The following PAFAH1B1 variants were observed in gnomAD, a reference collection of about 807,000 sequenced individuals.
The protein encoded by PAFAH1B1 is platelet activating factor acetylhydrolase 1b regulatory subunit 1.
In PAFAH1B1, 2 loss-of-function variants were observed where a neutral mutation model predicts 57.5. The observed-to-expected ratio is 0.03, with a 90% CI of 0.01 to 0.11. The LOEUF is 0.11. Ranked by LOEUF, PAFAH1B1 falls within the 10% of genes least tolerant of loss-of-function variation. The pLI is 1.00. For missense variants in PAFAH1B1, 257 were observed against 512.0 expected, an observed-to-expected ratio of 0.50 and a Z score of 4.81; for synonymous variants, 152 against 169.6, an observed-to-expected ratio of 0.90 and a Z score of 0.81.
intron 1 of PAFAH1B1, among the ~76,000 whole-genome samples, chr17:2,628,983 T>C (rs983795153): frequency 6.6e-6 from 1 of 152,224 alleles, no homozygotes; most frequent in African/African-American, 2.4e-5. Flanking sequence ...CTCTCTGCTT[T>C]CCTTGGTTAA....
intron 1 of PAFAH1B1, among the ~76,000 whole-genome samples, chr17:2,610,541 A>G (rs1045882018): frequency 6.6e-6 from 1 of 152,204 alleles, no homozygotes; most frequent in Non-Finnish European, 1.5e-5. Context: ...AGAAGTGTCC[A>G]ATATTTTGAC....
In PAFAH1B1 at chr17:2,646,492, A is replaced by ATTT. The variant is rs1424216846; in HGVS notation, c.32+8172_32+8173insTTT. Among the ~76,000 whole-genome samples the ATTT allele has an allele frequency of 2.6e-5, 4 of 152,188 alleles. No individual in the cohort carries two copies. The East Asian group carries it at 7.7e-4, about 29-fold the overall frequency. On this transcript the variant is annotated intron_variant, in intron 2 of 10. Transcript: ENST00000397195. ...ACATGGTGAAGCCCCATCTCTACTA[A>ATTT]AAATACAAAAATTAGCCGGGTGTGG...
chr17:2,616,648 G>A (rs1384407633), intron 1 of PAFAH1B1, among the ~76,000 whole-genome samples: 2 of 152,138 alleles, frequency 1.3e-5, no homozygotes, highest in Non-Finnish European at 2.9e-5. Context: ...TATCTTCACA[G>A]CAACATCTAA....
At position 2,661,537 on chromosome 17, in the gene PAFAH1B1, C is replaced by T. The variant is rs139716964; in HGVS notation, c.33-3835C>T. ...TTGGTCTGTGTGTCTGTTTTGGTAC[C>T]AGTAGCATGCTGTTTTGGTTACTGT... is the stretch of plus-strand genomic sequence containing the variant. On this transcript the variant is annotated intron_variant, in intron 2 of 10. Transcript: ENST00000397195. 3.3e-4 allele frequency among the ~76,000 whole-genome samples: 50 copies of T among 152,160 alleles called. No homozygotes were observed. The South Asian group carries it at 5.4e-3, about 16-fold the overall frequency.
intron 1 of PAFAH1B1, among the ~76,000 whole-genome samples, chr17:2,607,957 G>A (rs374511843): frequency 2.0e-5 from 3 of 152,152 alleles, no homozygotes; most frequent in South Asian, 2.1e-4. Flanking sequence ...TAGAATTTAC[G>A]TGAATATTCT....
rs2068063747 is a variant in PAFAH1B1 at position 2,594,571 on chromosome 17, G to A, written c.-191+565G>A. On this transcript the variant is annotated intron_variant, in intron 1 of 10. Coordinates refer to ENST00000397195, the MANE Select transcript of PAFAH1B1 (RefSeq NM_000430.4). ...GTCCCCGACTGGTCCTTAAGATGGG[G>A]TTGACCAGCGGAGGGTGGCCCACCG... Among the ~76,000 whole-genome samples, 4 of 152,320 alleles carry A rather than the reference G, an allele frequency of 2.6e-5. No homozygotes were observed. The South Asian group carries it at 8.3e-4, about 32-fold the overall frequency.
At chr17:2,665,478 T>G in intron 3 of PAFAH1B1, 22 bp downstream of exon 3, 1 of 1,332,980 alleles carries the variant, frequency 7.5e-7, no homozygotes, top group South Asian at 1.2e-5. Context: ...TTTTTACAAT[T>G]CAAAGTATAG....
At chr17:2,627,935 A>G (rs2151627620) in intron 1 of PAFAH1B1, among the ~76,000 whole-genome samples, 1 of 152,312 alleles carries the variant, frequency 6.6e-6, no homozygotes, top group Middle Eastern at 3.4e-3. Context: ...TCTTGAATCC[A>G]GAAACTTTGC....
intron 1 of PAFAH1B1, among the ~76,000 whole-genome samples, chr17:2,606,886 G>T (rs1001939395): frequency 7.0e-6 from 1 of 142,458 alleles, no homozygotes; most frequent in South Asian, 2.3e-4. Context: ...GTGCAGTGGC[G>T]CAATCTCAGC....
At chr17:2,614,021 G>GTTGTTTTT (rs1555521514) in intron 1 of PAFAH1B1, 1 of 96,970 alleles carries the variant, frequency 1.0e-5, no homozygotes, top group Non-Finnish European at 1.8e-5. Context: ...TATATATTGG[G>GTTGTTTTT]TTTTTTTTTT....
At chr17:2,610,464 CTTAAGATACAAAA>C (rs1202839914) in intron 1 of PAFAH1B1, among the ~76,000 whole-genome samples, 1 of 152,050 alleles carries the variant, frequency 6.6e-6, no homozygotes, top group Non-Finnish European at 1.5e-5. Context: ...TTACAGTGTC[CTTAAGATACAAAA>C]TAACTAGATA....
chr17:2,624,144 G>C (rs112173588), intron 1 of PAFAH1B1, among the ~76,000 whole-genome samples: 1 of 152,080 alleles, frequency 6.6e-6, no homozygotes, highest in Non-Finnish European at 1.5e-5. Flanking sequence ...AGTTCCCAAC[G>C]AACTCCTCAT....
intron 1 of PAFAH1B1, among the ~76,000 whole-genome samples, chr17:2,610,641 A>G (rs2060822615): frequency 6.6e-6 from 1 of 152,174 alleles, no homozygotes; most frequent in South Asian, 2.1e-4. Flanking sequence ...AAAAGTCACA[A>G]AAAAAATGTC....
intron 6 of PAFAH1B1, 182 bp downstream of exon 6, chr17:2,670,513 A>G (rs2069167296): frequency 3.3e-6 from 2 of 607,778 alleles, no homozygotes; most frequent in South Asian, 4.1e-5. Context: ...TTCTATTAGG[A>G]AGTTTTAAGT....
intron 1 of PAFAH1B1, among the ~76,000 whole-genome samples, chr17:2,636,648 C>T (rs1274249778): frequency 6.6e-6 from 1 of 152,162 alleles, no homozygotes; most frequent in Admixed American, 6.5e-5. Flanking sequence ...GTCTGCCCAC[C>T]TCAGCCTCCC....
chr17:2,671,108 T>A (rs562694701), intron 6 of PAFAH1B1, among the ~76,000 whole-genome samples: 1 of 152,336 alleles, frequency 6.6e-6, no homozygotes, highest in African/African-American at 2.4e-5. Context: ...CTAGAGGGCA[T>A]AATTTGAAGG....
intron 2 of PAFAH1B1, among the ~76,000 whole-genome samples, chr17:2,653,664 CAA>C (rs1419253625): frequency 1.3e-5 from 2 of 151,964 alleles, no homozygotes; most frequent in Admixed American, 6.6e-5. Context: ...GCAACAAAAA[CAA>C]AGTACACGAA....
chr17:2,669,479 G>A (rs1293351046), intron 5 of PAFAH1B1, among the ~76,000 whole-genome samples: 1 of 152,086 alleles, frequency 6.6e-6, no homozygotes, highest in Non-Finnish European at 1.5e-5. Flanking sequence ...AGCCAGGATA[G>A]TCTCGAACTG....
intron 1 of PAFAH1B1, among the ~76,000 whole-genome samples, chr17:2,616,420 T>C (rs1022689566): frequency 6.6e-6 from 1 of 152,186 alleles, no homozygotes; most frequent in Non-Finnish European, 1.5e-5. Flanking sequence ...GTTCAAAATC[T>C]GTAGGGTAGG....
Sources: gnomAD v4.1 joint callset for allele counts (sites outside exome capture counted in the v4.1 genomes callset) on GRCh38, gnomAD v4.1.1 for gene constraint, MANE v1.5 for transcripts, NCBI Gene and HGNC (gene_info 2026-07-23, HGNC 2026-07-21) for gene names.